The following ITGB5 variants were observed in gnomAD, a reference collection of about 807,000 sequenced individuals.
The protein encoded by ITGB5 is integrin subunit beta 5.
A neutral mutation model predicts 84.8 loss-of-function variants in ITGB5; 38 were observed. The observed-to-expected ratio is 0.45, with a 90% confidence interval of 0.35 to 0.59. The LOEUF (loss-of-function observed/expected upper bound fraction) is 0.59. ITGB5 is among the 20% of genes least tolerant of loss of function. The pLI, the probability that ITGB5 is intolerant of heterozygous loss-of-function variation, is 0.01. For missense variants in ITGB5, 905 were observed against 1,034.5 expected (o/e 0.87, Z 1.72); for synonymous variants, 393 against 414.4 (o/e 0.95, Z 0.63).
intron 1 of ITGB5, among the ~76,000 whole-genome samples, chr3:124,880,649 C>T (rs946677507): frequency 2.6e-5 from 4 of 152,062 alleles, no homozygotes; most frequent in African/African-American, 9.7e-5. Flanking sequence ...AAAGAGACAC[C>T]GGGCACAGTG....
intron 4 of ITGB5, among the ~76,000 whole-genome samples, chr3:124,843,019 T>A (rs2065031234): frequency 6.6e-6 from 1 of 152,202 alleles, no homozygotes; most frequent in African/African-American, 2.4e-5. Flanking sequence ...GCGGCAGCGA[T>A]GGGATCTCCC....
chr3:124,821,545 GC>G, intron 5 of ITGB5, 71 bp from the exon 6 acceptor site: 1 of 1,529,632 alleles, frequency 6.5e-7, no homozygotes, highest in South Asian at 1.2e-5. Flanking sequence ...CAGGGCACTG[GC>G]CCCTCTCCAG....
chr3:124,828,407 A>C (rs2064814249), intron 5 of ITGB5, among the ~76,000 whole-genome samples: 1 of 152,250 alleles, frequency 6.6e-6, no homozygotes, highest in Non-Finnish European at 1.5e-5. Context: ...GCTAAGGGAA[A>C]TAAGGCAGGC....
chr3:124,775,104 G>A (rs2063904814), intron 10 of ITGB5, among the ~76,000 whole-genome samples: 1 of 152,212 alleles, frequency 6.6e-6, no homozygotes. Context: ...CCTTGCAGGG[G>A]GTCCTCTCCA....
intron 9 of ITGB5, among the ~76,000 whole-genome samples, chr3:124,806,081 C>T (rs2064397457): frequency 6.6e-6 from 1 of 152,206 alleles, no homozygotes; most frequent in Non-Finnish European, 1.5e-5. Context: ...CTCCCTCTGG[C>T]TGCATTATCA....
intron 10 of ITGB5, among the ~76,000 whole-genome samples, chr3:124,794,256 C>T (rs901739416): frequency 3.3e-5 from 5 of 152,174 alleles, no homozygotes; most frequent in Non-Finnish European, 7.3e-5. Context: ...AATTTTGAAG[C>T]ATTTAATCAG....
In ITGB5 at chr3:124,800,184, G is replaced by T. The variant is rs1159857735; in HGVS notation, c.1264-3367C>A. Among the ~76,000 whole-genome samples, 3 of 152,134 alleles carry T rather than the reference G, an allele frequency of 2.0e-5. No homozygotes were observed. The East Asian group carries it at 5.8e-4, about 29-fold the overall frequency. On this transcript the variant is annotated intron_variant, in intron 9 of 14. Coordinates refer to ENST00000296181, the MANE Select transcript of ITGB5 (RefSeq NM_002213.5). ...ACAGCTGAAACCCTGTACTTCTAGG[G>T]CTACAACTTGCTGGACTTGTGCTCC...
At chr3:124,882,885 A>G (rs954770481) in intron 1 of ITGB5, among the ~76,000 whole-genome samples, 9 of 152,228 alleles carry the variant, frequency 5.9e-5, no homozygotes, top group African/African-American at 1.9e-4. Context: ...CCTGTCTTAG[A>G]GCAAACTTTT....
chr3:124,900,077 C>A (rs902238841), intron 1 of ITGB5, among the ~76,000 whole-genome samples: 1 of 152,098 alleles, frequency 6.6e-6, no homozygotes, highest in Non-Finnish European at 1.5e-5. Context: ...GCATCTGGCA[C>A]CAGGTCCTGG....
chr3:124,886,076 C>G (rs1287994039), intron 1 of ITGB5, among the ~76,000 whole-genome samples: 1 of 152,200 alleles, frequency 6.6e-6, no homozygotes, highest in African/African-American at 2.4e-5. Context: ...AATCATCTCC[C>G]AACTCTGAAA....
In ITGB5 at chr3:124,773,671, C is replaced by CT. The variant is rs1559925122; in HGVS notation, c.1916+18dup. 6.2e-7 allele frequency: 1 copy of CT among 1,608,034 alleles called. No individual in the cohort carries two copies. Among genetic ancestry groups the CT allele is most frequent in the Non-Finnish European group, 8.5e-7 (1 of 1,176,694 alleles). ...GGCCTGGGTGAGAAGTAAGGTGGGGCTGTCAGTGGAACCAGTACCTCTTGG... is the reference window on the plus strand; with the variant it reads ...GGCCTGGGTGAGAAGTAAGGTGGGGCTTGTCAGTGGAACCAGTACCTCTTGG... On this transcript the variant is annotated intron_variant, in intron 11 of 14. Transcript: ENST00000296181.
At chr3:124,788,425 C>A (rs1320671281) in intron 10 of ITGB5, among the ~76,000 whole-genome samples, 1 of 152,198 alleles carries the variant, frequency 6.6e-6, no homozygotes, top group Non-Finnish European at 1.5e-5. Flanking sequence ...TTTCTGGCAG[C>A]TCTGCCTGTG....
intron 1 of ITGB5, among the ~76,000 whole-genome samples, chr3:124,896,035 A>G (rs898328746): frequency 2.0e-5 from 3 of 152,226 alleles, no homozygotes; most frequent in Non-Finnish European, 4.4e-5. Context: ...ATAACCTGAT[A>G]TGCCGACTAA....
intron 1 of ITGB5, among the ~76,000 whole-genome samples, chr3:124,900,226 G>A (rs1160382024): frequency 6.6e-6 from 1 of 152,136 alleles, no homozygotes; most frequent in Non-Finnish European, 1.5e-5. Flanking sequence ...CTCAAATCCT[G>A]GCTGTGTCAC....
intron 1 of ITGB5, among the ~76,000 whole-genome samples, chr3:124,885,509 T>C (rs1449585504): frequency 6.6e-6 from 1 of 152,114 alleles, no homozygotes; most frequent in African/African-American, 2.4e-5. Context: ...AAACTACTAA[T>C]ATTATTAAGA....
At chr3:124,832,566 A>G (rs1016853287) in intron 5 of ITGB5, among the ~76,000 whole-genome samples, 1 of 152,226 alleles carries the variant, frequency 6.6e-6, no homozygotes, top group Non-Finnish European at 1.5e-5. Context: ...TGACCCCTTG[A>G]GAGAGAAGAA....
intron 11 of ITGB5, among the ~76,000 whole-genome samples, chr3:124,770,459 G>A (rs1376865743): frequency 6.6e-6 from 1 of 152,184 alleles, no homozygotes; most frequent in Non-Finnish European, 1.5e-5. Flanking sequence ...AATACAGAGG[G>A]ATGTGCAACT....
At chr3:124,814,399 CATATT>C (rs1332545073) in intron 8 of ITGB5, among the ~76,000 whole-genome samples, 5 of 151,054 alleles carry the variant, frequency 3.3e-5, no homozygotes, top group African/African-American at 1.2e-4. Context: ...TGCCAACACT[CATATT>C]ATACACTTTA....
At chr3:124,798,055 C>CTTTTTTTTTTT (rs60292129) in intron 9 of ITGB5, among the ~76,000 whole-genome samples, 2,459 of 103,182 alleles carry the variant, frequency 0.024, 462 homozygotes, top group African/African-American at 0.073. Flanking sequence ...TAGAATAAAG[C>CTTTTTTTTTTT]TTTTTTTTTT....
Sources: allele counts gnomAD v4.1 joint callset (sites outside exome capture counted in the v4.1 genomes callset), GRCh38; gene constraint gnomAD v4.1.1; transcripts MANE v1.5; gene names NCBI Gene and HGNC (gene_info 2026-07-23, HGNC 2026-07-21).